IPO8: variants seen among roughly 807,000 people sequenced by gnomAD.
The protein encoded by IPO8 is importin-8.
Under a neutral mutation model 141.2 loss-of-function variants are expected in IPO8, and 65 were observed. The ratio of observed to expected loss-of-function variants is 0.46; its 90% CI spans 0.38 to 0.57. IPO8 has a LOEUF of 0.57. IPO8 is among the 20% of genes least tolerant of loss of function. The pLI is 0.00. For synonymous variants in IPO8, 411 were observed against 420.3 expected, an observed-to-expected ratio of 0.98 and a Z score of 0.27; for missense variants, 980 against 1,246.8, an observed-to-expected ratio of 0.79 and a Z score of 3.22.
At chr12:30,644,334 G>T (rs906189665) in intron 20 of IPO8, among the ~76,000 whole-genome samples, 3 of 150,300 alleles carry the variant, frequency 2.0e-5, no homozygotes, top group African/African-American at 7.4e-5. Context: ...CTGCACCATT[G>T]CACTCCAGCC....
chr12:30,656,796 T>C, intron 16 of IPO8, 46 bp from the exon 17 acceptor site: 1 of 896,880 alleles, frequency 1.1e-6, no homozygotes, highest in East Asian at 3.0e-5. Flanking sequence ...TCATAATTAA[T>C]ACATAAATTT....
chr12:30,695,857 T>G lies in IPO8; in HGVS notation c.-210A>C, dbSNP rs1021109742. ...TTTCCCCCCCACAACTCGCTCTCCA[T>G]TCACCGTTTTACGACAGCCGGTGGG... On this transcript the variant is annotated 5_prime_UTR_variant, in exon 1 of 25. An upstream start codon of the reference 5' UTR is lost. Transcript: ENST00000256079. The surrounding 1 kb of genome is among the most constrained non-coding windows in gnomAD (Gnocchi z 4.2). 23 of 502,312 alleles carry G rather than the reference T, an allele frequency of 4.6e-5. No homozygotes were observed. The highest frequency in any genetic ancestry group is 2.2e-4 in the South Asian group (9 of 40,290). 31.1% of individuals were successfully genotyped at this position (502,312 alleles called of 1,614,324 possible). A position where few individuals can be genotyped will look rare whatever the true frequency, so the allele number is the denominator to read the frequency against.
At chr12:30,669,941 C>T (rs2136157880) in intron 9 of IPO8, among the ~76,000 whole-genome samples, 1 of 152,302 alleles carries the variant, frequency 6.6e-6, no homozygotes, top group African/African-American at 2.4e-5. Flanking sequence ...ACAGGATCAT[C>T]TCTTACCACT....
In IPO8 at chr12:30,630,800, C is replaced by G. The variant is rs1591946816; in HGVS notation, c.*60G>C. The G allele has an allele frequency of 1.4e-6, 2 of 1,396,742 alleles. No individual in the cohort carries two copies. The highest frequency in any genetic ancestry group is 2.8e-5 in the African/African-American group (2 of 70,478). 86.5% of individuals were successfully genotyped at this position (1,396,742 alleles called of 1,614,324 possible). A position where few individuals can be genotyped will look rare whatever the true frequency, so the allele number is the denominator to read the frequency against. ...CCCCTCATTTCATCCCCTTGACCCTCACACTCCTCTTGTGAAATAAAATGC... is the reference window on the plus strand; with the variant it reads ...CCCCTCATTTCATCCCCTTGACCCTGACACTCCTCTTGTGAAATAAAATGC... On this transcript the variant is annotated 3_prime_UTR_variant, in exon 25 of 25. Coordinates refer to ENST00000256079, the MANE Select transcript of IPO8 (RefSeq NM_006390.4).
At chr12:30,637,498 T>C (rs759636480) in intron 21 of IPO8, among the ~76,000 whole-genome samples, 1 of 152,184 alleles carries the variant, frequency 6.6e-6, no homozygotes, top group African/African-American at 2.4e-5. Context: ...GAAATACCTA[T>C]ATTTGACAGC....
At chr12:30,684,224 T>C in intron 3 of IPO8, 77 bp downstream of exon 3, 1 of 1,317,212 alleles carries the variant, frequency 7.6e-7, no homozygotes, top group Non-Finnish European at 1.1e-6. Flanking sequence ...AGGCCAAGGA[T>C]TAGATCCAAC....
Position 30,670,962 on chromosome 12 carries a change from C to CTGTA in IPO8, c.1040_1043dup (p.Gln348HisfsTer6). 6.2e-7 allele frequency: 1 copy of CTGTA among 1,611,630 alleles called. No individual in the cohort carries two copies. Among genetic ancestry groups the CTGTA allele is most frequent in the South Asian group, 1.1e-5 (1 of 90,524 alleles). ...TGGAGAGCTGCTCTCTGACACTAAC[C>CTGTA]TGTATGTGTGGCTTCATCTGCTTCC... On this transcript the variant is annotated frameshift_variant and splice_region_variant, in exon 9 of 25. Coordinates refer to ENST00000256079, the MANE Select transcript of IPO8 (RefSeq NM_006390.4). LOFTEE classifies it high-confidence loss of function.
At chr12:30,639,882 G>C (rs2052553890) in intron 20 of IPO8, 147 bp from the exon 21 acceptor site, 1 of 625,148 alleles carries the variant, frequency 1.6e-6, no homozygotes, top group South Asian at 2.0e-5. Context: ...GTATTTAAAA[G>C]ATTTATATTA....
Position 30,690,561 on chromosome 12 carries a change from T to C in IPO8, c.101A>G (p.Asn34Ser), listed in dbSNP as rs1398135279. Residue 34 changes from asparagine (N) to serine (S), a missense_variant, in exon 2 of 25, where the codon AAT (asparagine) becomes AGT (serine). Asn to Ser is a conservative substitution (Grantham distance 46). This residue lies in a region of IPO8 where 40 missense variants were observed against 46.3 expected (regional missense o/e 0.86). Coordinates refer to ENST00000256079, the MANE Select transcript of IPO8 (RefSeq NM_006390.4). Reference protein sequence around the residue: ...NELNQSYKIINFAPSLLRIIV... With the variant: ...NELNQSYKIISFAPSLLRIIV... ...AATCCGAAGTAAACTGGGGGCAAAA[T>C]TGATAATCTTGTAGGACTGAAATTA... is the stretch of plus-strand genomic sequence containing the variant. 1.3e-6 allele frequency: 2 copies of C among 1,581,802 alleles called. No individual in the cohort carries two copies. Among genetic ancestry groups the C allele is most frequent in the South Asian group, 1.2e-5 (1 of 86,702 alleles).
chr12:30,681,172 T>G (rs1003391822), intron 4 of IPO8, among the ~76,000 whole-genome samples: 4 of 152,182 alleles, frequency 2.6e-5, no homozygotes, highest in African/African-American at 9.7e-5. Flanking sequence ...GGACTTCATA[T>G]ACACATGTAG....
Position 30,674,022 on chromosome 12 carries a change from A to C in IPO8, c.877T>G (p.Phe293Val). Residue 293 changes from phenylalanine (F) to valine (V), a missense_variant, in exon 8 of 25, where the codon TTT (phenylalanine) becomes GTT (valine). This residue lies in a region of IPO8 where 924 missense variants were observed against 1,153.9 expected (regional missense o/e 0.80). Coordinates refer to ENST00000256079, the MANE Select transcript of IPO8 (RefSeq NM_006390.4). The stretch of plus-strand genomic sequence containing the variant: ...ATGCCCACTGCATAGGTTTTCAAAA[A>C]GAATTCAGAAAATTCAAAGTATTCT... ...TKEYFEFSEF[F>V]LKTYAVGIQQ... The C allele has an allele frequency of 1.9e-6, 3 of 1,592,206 alleles. No individual in the cohort carries two copies. Among genetic ancestry groups the C allele is most frequent in the Non-Finnish European group, 2.6e-6 (3 of 1,164,122 alleles).
At chr12:30,680,254 TAC>T (rs1161414557) in intron 5 of IPO8, 1 of 387,498 alleles carries the variant, frequency 2.6e-6, no homozygotes, top group African/African-American at 2.1e-5. Context: ...GGTTCTGCTT[TAC>T]CCATGATTTC....
Position 30,683,198 on chromosome 12 carries a change from A to G in IPO8, c.323+1103T>C, listed in dbSNP as rs201554734. 8.5e-5 allele frequency among the ~76,000 whole-genome samples: 13 copies of G among 152,354 alleles called. No homozygotes were observed. In the East Asian group the frequency reaches 2.5e-3, roughly 29 times the overall value. On this transcript the variant is annotated intron_variant, in intron 3 of 24. Transcript: ENST00000256079. Reference sequence around the variant, plus strand: ...TAAGATTTTGAAAATAAATGGATACATGATGGTACCACAGGGGTATCAGTC... The same window carrying G: ...TAAGATTTTGAAAATAAATGGATACGTGATGGTACCACAGGGGTATCAGTC...
intron 8 of IPO8, among the ~76,000 whole-genome samples, chr12:30,672,758 C>G (rs2053068996): frequency 6.6e-6 from 1 of 152,072 alleles, no homozygotes; most frequent in Admixed American, 6.5e-5. Context: ...ACTAATTTTC[C>G]CTATAGATTG....
rs1346676592 is a variant in IPO8, at chr12:30,695,841, C to A, written c.-194G>T. ...CCCCCTGTCCTCCCTTTTTCCCCCC[C>A]ACAACTCGCTCTCCATTCACCGTTT... On this transcript the variant is annotated 5_prime_UTR_variant, in exon 1 of 25. Coordinates refer to ENST00000256079, the MANE Select transcript of IPO8 (RefSeq NM_006390.4). This position sits in a 1 kb window ranked among gnomAD's most constrained non-coding sequence, Gnocchi z 4.2. The A allele has an allele frequency of 1.6e-4, 86 of 535,080 alleles. No homozygotes were observed. The highest frequency in any genetic ancestry group is 1.1e-3 in the South Asian group (50 of 43,750). 33.1% of individuals were successfully genotyped at this position (535,080 alleles called of 1,614,324 possible).
intron 1 of IPO8, among the ~76,000 whole-genome samples, chr12:30,690,794 AT>A (rs964044802): frequency 1.1e-4 from 16 of 152,058 alleles, no homozygotes; most frequent in Non-Finnish European, 1.8e-4. Context: ...CATTTTTATG[AT>A]TTTTTTTAAC....
intron 8 of IPO8, among the ~76,000 whole-genome samples, chr12:30,672,028 G>A (rs767337359): frequency 6.6e-6 from 1 of 151,928 alleles, no homozygotes; most frequent in South Asian, 2.1e-4. Context: ...CAACTGAGAA[G>A]TTATTTTTTA....
At chr12:30,686,086 TTTCAA>T (rs2053239715) in intron 2 of IPO8, among the ~76,000 whole-genome samples, 2 of 152,146 alleles carry the variant, frequency 1.3e-5, no homozygotes, top group Non-Finnish European at 2.9e-5. Flanking sequence ...CCATCTATGA[TTTCAA>T]TTCATTTGGG....
At chr12:30,649,338 T>C (rs1199194918) in intron 19 of IPO8, 106 bp from the exon 20 acceptor site, 5 of 709,476 alleles carry the variant, frequency 7.0e-6, no homozygotes, top group African/African-American at 1.8e-5. Context: ...GAACCACAGC[T>C]TTGCTTGCTG....
Sources: allele counts gnomAD v4.1 joint callset (sites outside exome capture counted in the v4.1 genomes callset), GRCh38; gene constraint gnomAD v4.1.1; regional missense constraint gnomAD v4.1.1; non-coding constraint Gnocchi (gnomAD v3.1); transcripts MANE v1.5; gene names NCBI Gene and HGNC (gene_info 2026-07-23, HGNC 2026-07-21).